The following FAM169A variants were observed in gnomAD, a reference collection of about 807,000 sequenced individuals.
FAM169A encodes the protein soluble lamin-associated protein of 75 kDa.
FAM169A carries 24 observed loss-of-function variants against 75.7 expected under a neutral mutation model. The observed-to-expected ratio is 0.32, with a 90% confidence interval of 0.23 to 0.45. FAM169A has a LOEUF of 0.45. Among genes scored for constraint, FAM169A ranks in the 20% least tolerant of loss-of-function variants. The probability of loss-of-function intolerance (pLI) is 1.00; values close to 1 mark genes in which losing one functional copy is unlikely to be tolerated. For missense variants in FAM169A, 673 were observed against 784.0 expected, an observed-to-expected ratio of 0.86 and a Z score of 1.69; for synonymous variants, 271 against 271.0, an observed-to-expected ratio of 1.00 and a Z score of 0.00.
intron 5 of FAM169A, among the ~76,000 whole-genome samples, chr5:74,823,709 T>A (rs1747876075): frequency 6.6e-6 from 1 of 152,268 alleles, no homozygotes; most frequent in South Asian, 2.1e-4. Context: ...AAAGCAGCCA[T>A]CTCGTTTCCC....
At chr5:74,785,272 T>C (rs951431764) in intron 11 of FAM169A, among the ~76,000 whole-genome samples, 6 of 152,058 alleles carry the variant, frequency 3.9e-5, no homozygotes, top group Non-Finnish European at 7.4e-5. Flanking sequence ...TAAGCCTAGA[T>C]TGCACCACTG....
intron 1 of FAM169A, among the ~76,000 whole-genome samples, chr5:74,848,256 T>C (rs1378565957): frequency 6.6e-6 from 1 of 152,100 alleles, no homozygotes; most frequent in East Asian, 1.9e-4. Context: ...AAATATCCCT[T>C]TATCAGGCTT....
chr5:74,845,435 T>A (rs1749104492), intron 1 of FAM169A, among the ~76,000 whole-genome samples: 1 of 152,110 alleles, frequency 6.6e-6, no homozygotes. Context: ...GGAGAATTGC[T>A]TGAACCTGTG....
chr5:74,834,280 G>A, intron 5 of FAM169A, 146 bp downstream of exon 5: 1 of 435,716 alleles, frequency 2.3e-6, no homozygotes, highest in Non-Finnish European at 3.9e-6. Flanking sequence ...TAGGATGGTA[G>A]AATCAAAGTA....
At chr5:74,806,346 C>A (rs2112549132) in intron 6 of FAM169A, among the ~76,000 whole-genome samples, 1 of 152,226 alleles carries the variant, frequency 6.6e-6, no homozygotes, top group African/African-American at 2.4e-5. Context: ...AAATAAAAAT[C>A]CATATAAAAA....
intron 5 of FAM169A, among the ~76,000 whole-genome samples, chr5:74,823,419 C>T (rs1366792553): frequency 1.3e-5 from 2 of 152,294 alleles, no homozygotes; most frequent in East Asian, 3.9e-4. Context: ...AGTCACACCT[C>T]CCTCCAGGCA....
intron 1 of FAM169A, among the ~76,000 whole-genome samples, chr5:74,853,668 T>C (rs932235532): frequency 2.0e-5 from 3 of 152,098 alleles, no homozygotes; most frequent in African/African-American, 7.2e-5. Flanking sequence ...TCTTCGGACT[T>C]TCTATATCTA....
intron 11 of FAM169A, among the ~76,000 whole-genome samples, chr5:74,787,419 G>T (rs1452652122): frequency 1.3e-5 from 2 of 152,230 alleles, no homozygotes; most frequent in Non-Finnish European, 2.9e-5. Flanking sequence ...GGCTTAGAGA[G>T]ATTGGGATGG....
Position 74,781,595 on chromosome 5 carries a change from T to G in FAM169A, c.1878A>C (p.Thr626=). The G allele has an allele frequency of 6.2e-7, 1 of 1,614,228 alleles. No individual in the cohort carries two copies. The highest frequency in any genetic ancestry group is 1.3e-5 in the African/African-American group (1 of 75,070). ...TATCCACAGCTTTTTCTGCCGATTG[T>G]GTAAACTGATCCAGTTGCTCGGAAG... ...EASSEQLDQF[T]QSAEKAVDSS... The change falls in exon 13 of 13, where the codon ACA becomes ACC. Residue 626 remains threonine (T), a synonymous_variant. Coordinates refer to ENST00000687041, the MANE Select transcript of FAM169A (RefSeq NM_001376049.1).
At chr5:74,792,957 A>G (rs1216114821) in intron 11 of FAM169A, among the ~76,000 whole-genome samples, 1 of 152,204 alleles carries the variant, frequency 6.6e-6, no homozygotes, top group Non-Finnish European at 1.5e-5. Context: ...GCATGTTTAT[A>G]GCAGCACAAT....
upstream of FAM169A, chr5:74,866,881 G>GTCAC (rs1750377167): frequency 1.0e-6 from 1 of 985,346 alleles, no homozygotes; most frequent in Non-Finnish European, 1.2e-6. Flanking sequence ...GGCGAGGACC[G>GTCAC]CCGGCCTCCG....
In FAM169A at chr5:74,814,103, T is replaced by TA. The variant is rs1040214351; in HGVS notation, c.491-85dup. The TA allele has an allele frequency of 2.2e-5, 26 of 1,166,006 alleles. No homozygotes were observed. In the East Asian group the frequency reaches 3.2e-4, roughly 14 times the overall value. 72.2% of individuals were successfully genotyped at this position (1,166,006 alleles called of 1,614,324 possible). On this transcript the variant is annotated intron_variant, in intron 5 of 12. Coordinates refer to ENST00000687041, the MANE Select transcript of FAM169A (RefSeq NM_001376049.1). ...TAGTGACATGAGTTAACAGTCTTTC[T>TA]AAAAAAAGTTTTCTTCTATATCAAA...
At chr5:74,790,091 C>T (rs1242308679) in intron 11 of FAM169A, among the ~76,000 whole-genome samples, 1 of 152,190 alleles carries the variant, frequency 6.6e-6, no homozygotes, top group Non-Finnish European at 1.5e-5. Flanking sequence ...AAGTAAGTTA[C>T]ATGAGGAAGT....
intron 6 of FAM169A, among the ~76,000 whole-genome samples, chr5:74,807,295 C>T (rs141668487): frequency 2.6e-4 from 40 of 152,276 alleles, no homozygotes; most frequent in Non-Finnish European, 4.6e-4. Flanking sequence ...AATCATCTAA[C>T]ACAAAGCCTA....
chr5:74,842,055 A>G (rs1393412768), intron 1 of FAM169A, among the ~76,000 whole-genome samples: 1 of 152,108 alleles, frequency 6.6e-6, no homozygotes, highest in Admixed American at 6.6e-5. Context: ...ACTTGTTGGA[A>G]TAATGAAAAT....
At chr5:74,817,276 A>G (rs188275468) in intron 5 of FAM169A, among the ~76,000 whole-genome samples, 86 of 152,238 alleles carry the variant, frequency 5.6e-4, no homozygotes, top group Non-Finnish European at 8.2e-4. Context: ...TGCAGGTAAC[A>G]TGATCTTACA....
At chr5:74,854,703 C>A (rs1749619832) in intron 1 of FAM169A, among the ~76,000 whole-genome samples, 1 of 152,128 alleles carries the variant, frequency 6.6e-6, no homozygotes, top group Non-Finnish European at 1.5e-5. Context: ...TGAGAGCATG[C>A]AAAGTTCGTC....
At position 74,805,524 on chromosome 5, in the gene FAM169A, C is replaced by CTTTTTTTTTTTTTTT. The variant is rs1194674402; in HGVS notation, c.671-255_671-241dup. Reference sequence around the variant, plus strand: ...AAAAATCCTTTAAAAATGTGCTTCGCTTTTTTTTTTTTTTTTTTTTTTTGG... The same window carrying CTTTTTTTTTTTTTTT: ...AAAAATCCTTTAAAAATGTGCTTCGCTTTTTTTTTTTTTTTTTTTTTTTTTTTTTTTTTTTTTTGG... On this transcript the variant is annotated intron_variant, in intron 6 of 12. Transcript: ENST00000687041. Among the ~76,000 whole-genome samples the CTTTTTTTTTTTTTTT allele has an allele frequency of 4.5e-4, 37 of 81,920 alleles. 4 individuals are homozygous for CTTTTTTTTTTTTTTT. Among genetic ancestry groups the CTTTTTTTTTTTTTTT allele is most frequent in the African/African-American group, 1.8e-3 (33 of 18,432 alleles). 53.7% of individuals were successfully genotyped at this position (81,920 alleles called of 152,430 possible).
rs1197893473 is a variant in FAM169A at position 74,866,224 on chromosome 5, T to C, written c.-63A>G. On this transcript the variant is annotated 5_prime_UTR_variant, in exon 1 of 13. Coordinates refer to ENST00000687041, the MANE Select transcript of FAM169A (RefSeq NM_001376049.1). ...GGGAAAGGAGGCGGAGCCGCGCGAA[T>C]GAATGGAGCCGGCGGCTGCTCGCTG... 11 of 984,124 alleles carry C rather than the reference T, an allele frequency of 1.1e-5. No individual in the cohort carries two copies. In the African/African-American group the frequency reaches 1.9e-4, roughly 17 times the overall value. The allele number at this position is 984,124 out of a possible 1,614,324, so 61.0% of individuals were successfully genotyped here. A position where few individuals can be genotyped will look rare whatever the true frequency, so the allele number is the denominator to read the frequency against.
Sources: gnomAD v4.1 joint callset for allele counts (sites outside exome capture counted in the v4.1 genomes callset) on GRCh38, gnomAD v4.1.1 for gene constraint, MANE v1.5 for transcripts, NCBI Gene and HGNC (gene_info 2026-07-23, HGNC 2026-07-21) for gene names.